The following DKK2 variants were observed in gnomAD, a reference collection of about 807,000 sequenced individuals.
DKK2 encodes the protein dickkopf-related protein 2.
In DKK2, 11 loss-of-function variants were observed where a neutral mutation model predicts 28.1. The ratio of observed to expected loss-of-function variants is 0.39; its 90% CI spans 0.25 to 0.65. The LOEUF (loss-of-function observed/expected upper bound fraction) is 0.65, where lower values mean the gene tolerates loss of function less well. Ranked by LOEUF, DKK2 falls within the 30% of genes least tolerant of loss-of-function variation. The probability of loss-of-function intolerance (pLI) is 0.47; values close to 1 mark genes in which losing one functional copy is unlikely to be tolerated. For missense variants in DKK2, 326 were observed against 335.5 expected (o/e 0.97, Z 0.22); for synonymous variants, 135 against 126.5 (o/e 1.07, Z -0.45).
chr4:106,961,014 C>T lies in DKK2; in HGVS notation c.223-35065G>A, dbSNP rs766493887. On this transcript the variant is annotated intron_variant, in intron 1 of 3. Coordinates refer to ENST00000285311, the MANE Select transcript of DKK2 (RefSeq NM_014421.3). ...ACATATTTAGAAGGGTCCAAGCATT[C>T]GCTCTTTCTCTTCTCTCTTTTTATC... Among the ~76,000 whole-genome samples the T allele has an allele frequency of 4.3e-4, 66 of 152,190 alleles. 1 individual carries two copies. Among genetic ancestry groups the T allele is most frequent in the Middle Eastern group, 3.4e-3 (1 of 294 alleles).
chr4:106,955,732 A>G (rs540824837), intron 1 of DKK2, among the ~76,000 whole-genome samples: 154 of 152,332 alleles, frequency 1.0e-3, no homozygotes, highest in Non-Finnish European at 1.9e-3. Context: ...AAAGAGAACA[A>G]ATAAAAAAAC....
At chr4:107,010,560 C>G (rs1370085373) in intron 1 of DKK2, among the ~76,000 whole-genome samples, 2 of 151,414 alleles carry the variant, frequency 1.3e-5, no homozygotes, top group Non-Finnish European at 3.0e-5. Context: ...AGTATGTGGT[C>G]CAACTTTAGT....
intron 1 of DKK2, among the ~76,000 whole-genome samples, chr4:106,995,021 G>T (rs959137444): frequency 6.6e-6 from 1 of 151,892 alleles, no homozygotes; most frequent in African/African-American, 2.4e-5. Flanking sequence ...ATGAGTTACA[G>T]AAAATGTTAA....
At chr4:107,034,413 G>C (rs890575577) in intron 1 of DKK2, among the ~76,000 whole-genome samples, 7 of 149,060 alleles carry the variant, frequency 4.7e-5, no homozygotes, top group African/African-American at 1.7e-4. Flanking sequence ...GATTCCCAGT[G>C]CCCACAGAGC....
Position 107,000,832 on chromosome 4 carries a change from A to T in DKK2, c.222+34538T>A, listed in dbSNP as rs1723349296. Among the ~76,000 whole-genome samples the T allele has an allele frequency of 2.6e-5, 4 of 152,206 alleles. No individual in the cohort carries two copies. In the South Asian group the frequency reaches 8.3e-4, roughly 32 times the overall value. ...AGAATTTGTATCAAGTATGATGTCCATGGCCATACAACTAGGAAGTTTAGG... is the reference window on the plus strand; with the variant it reads ...AGAATTTGTATCAAGTATGATGTCCTTGGCCATACAACTAGGAAGTTTAGG... On this transcript the variant is annotated intron_variant, in intron 1 of 3. Coordinates refer to ENST00000285311, the MANE Select transcript of DKK2 (RefSeq NM_014421.3).
Position 106,966,181 on chromosome 4 carries a change from A to T in DKK2, c.223-40232T>A, listed in dbSNP as rs184967141. Among the ~76,000 whole-genome samples the T allele has an allele frequency of 2.4e-3, 370 of 152,306 alleles. 2 individuals are homozygous for T. Among genetic ancestry groups the T allele is most frequent in the African/African-American group, 8.6e-3 (358 of 41,580 alleles). On this transcript the variant is annotated intron_variant, in intron 1 of 3. Coordinates refer to ENST00000285311, the MANE Select transcript of DKK2 (RefSeq NM_014421.3). ...ATTAACTTAGGCTTGGACGCTTGTAATAAGTCAGTGATAATTAATTTGTGC... is the reference window on the plus strand; with the variant it reads ...ATTAACTTAGGCTTGGACGCTTGTATTAAGTCAGTGATAATTAATTTGTGC...
At chr4:106,988,021 C>T (rs193179407) in intron 1 of DKK2, among the ~76,000 whole-genome samples, 12 of 152,228 alleles carry the variant, frequency 7.9e-5, no homozygotes, top group East Asian at 1.9e-4. Flanking sequence ...CCCACCATCA[C>T]GCCCGGCTAA....
chr4:106,962,788 G>T (rs1046231595), intron 1 of DKK2, among the ~76,000 whole-genome samples: 3 of 151,790 alleles, frequency 2.0e-5, no homozygotes, highest in Admixed American at 6.6e-5. Context: ...CTTCTGCACA[G>T]CAAAGGAAAC....
chr4:107,004,427 A>C (rs143099443), intron 1 of DKK2, among the ~76,000 whole-genome samples: 1 of 152,202 alleles, frequency 6.6e-6, no homozygotes, highest in African/African-American at 2.4e-5. Context: ...GATGACTTAG[A>C]CCAAAGCTCC....
chr4:106,954,761 TCTGC>T (rs1291945383), intron 1 of DKK2, among the ~76,000 whole-genome samples: 5 of 152,188 alleles, frequency 3.3e-5, no homozygotes, highest in Admixed American at 2.6e-4. Context: ...GACCTCGTGA[TCTGC>T]CTGCCTCGCC....
intron 1 of DKK2, among the ~76,000 whole-genome samples, chr4:107,025,057 C>T (rs934116967): frequency 6.6e-6 from 1 of 152,116 alleles, no homozygotes; most frequent in Non-Finnish European, 1.5e-5. Context: ...AGAGGTTAAC[C>T]ATATCCCCAG....
intron 1 of DKK2, among the ~76,000 whole-genome samples, chr4:106,942,696 T>C (rs1292701668): frequency 6.6e-6 from 1 of 152,144 alleles, no homozygotes; most frequent in African/African-American, 2.4e-5. Context: ...ACAAATTAAA[T>C]TTATTAACCA....
intron 1 of DKK2, among the ~76,000 whole-genome samples, chr4:106,935,844 C>T (rs991997164): frequency 6.6e-6 from 1 of 152,212 alleles, no homozygotes; most frequent in African/African-American, 2.4e-5. Flanking sequence ...AGGCACACCC[C>T]AGCAGGGTCA....
chr4:106,939,186 A>G (rs1274651349), intron 1 of DKK2, among the ~76,000 whole-genome samples: 3 of 152,204 alleles, frequency 2.0e-5, no homozygotes, highest in African/African-American at 7.2e-5. Context: ...CTGTTTGCAG[A>G]TGACATGACT....
At chr4:106,927,726 A>AT (rs1299545823) in intron 1 of DKK2, among the ~76,000 whole-genome samples, 2 of 152,108 alleles carry the variant, frequency 1.3e-5, no homozygotes, top group African/African-American at 4.8e-5. Flanking sequence ...TCCCCCAAGC[A>AT]TTTTACCCCC....
At chr4:107,033,659 G>A (rs188518045) in intron 1 of DKK2, among the ~76,000 whole-genome samples, 1 of 152,212 alleles carries the variant, frequency 6.6e-6, no homozygotes, top group Non-Finnish European at 1.5e-5. Flanking sequence ...AGGAACCTCA[G>A]GACTATTGAG....
At chr4:106,973,464 GA>G (rs1396546589) in intron 1 of DKK2, among the ~76,000 whole-genome samples, 2 of 152,202 alleles carry the variant, frequency 1.3e-5, no homozygotes, top group Non-Finnish European at 2.9e-5. Flanking sequence ...TTTTGGCTTT[GA>G]TTTGCATTTC....
intron 1 of DKK2, among the ~76,000 whole-genome samples, chr4:106,946,513 C>T (rs1203172390): frequency 6.6e-6 from 1 of 151,890 alleles, no homozygotes; most frequent in African/African-American, 2.4e-5. Context: ...GACATTTCCA[C>T]TTAAAAAACA....
intron 1 of DKK2, among the ~76,000 whole-genome samples, chr4:106,989,629 A>G (rs1340190840): frequency 6.6e-6 from 1 of 152,238 alleles, no homozygotes; most frequent in Non-Finnish European, 1.5e-5. Flanking sequence ...CCTAATTAAT[A>G]TTGCCTACTG....
Sources: gnomAD v4.1 joint callset for allele counts (sites outside exome capture counted in the v4.1 genomes callset) on GRCh38, gnomAD v4.1.1 for gene constraint, MANE v1.5 for transcripts, NCBI Gene and HGNC (gene_info 2026-07-23, HGNC 2026-07-21) for gene names.